ATCAY: variants seen among roughly 807,000 people sequenced by gnomAD.
ATCAY encodes caytaxin.
In ATCAY, 22 loss-of-function variants were observed where a neutral mutation model predicts 47.7. That is an observed-to-expected ratio of 0.46 (90% confidence interval 0.33 to 0.66). The LOEUF (loss-of-function observed/expected upper bound fraction) is 0.66. Among genes scored for constraint, ATCAY ranks in the 30% least tolerant of loss-of-function variants. The pLI is 0.02. For missense variants in ATCAY, 452 were observed against 515.0 expected, an observed-to-expected ratio of 0.88 and a Z score of 1.18; for synonymous variants, 216 against 207.6, an observed-to-expected ratio of 1.04 and a Z score of -0.35.
intron 2 of ATCAY, among the ~76,000 whole-genome samples, chr19:3,895,578 G>A (rs999296792): frequency 6.6e-6 from 1 of 152,026 alleles, no homozygotes; most frequent in African/African-American, 2.4e-5. Flanking sequence ...GACTCGTAGC[G>A]CTGGATGGAG....
rs1359111982 is a variant in ATCAY at position 3,907,519 on chromosome 19, C to T, written c.359-215C>T. Among the ~76,000 whole-genome samples the T allele has an allele frequency of 1.3e-5, 2 of 152,158 alleles. No homozygotes were observed. The highest frequency in any genetic ancestry group is 2.9e-5 in the Non-Finnish European group (2 of 68,036). ...CCTGGGAGGCCAGCAAAGGGAATGTCCAGAAAGGCTTCCTGGAGGAGGCGG... is the reference window on the plus strand; with the variant it reads ...CCTGGGAGGCCAGCAAAGGGAATGTTCAGAAAGGCTTCCTGGAGGAGGCGG... On this transcript the variant is annotated intron_variant, in intron 4 of 12. Coordinates refer to ENST00000450849, the MANE Select transcript of ATCAY (RefSeq NM_033064.5). This position sits in a 1 kb window ranked among gnomAD's most constrained non-coding sequence, Gnocchi z 5.1.
Position 3,926,861 on chromosome 19 carries a change from A to C in ATCAY, c.*2269A>C, listed in dbSNP as rs2039071376. 6.6e-6 allele frequency: 1 copy of C among 152,186 alleles called. No homozygotes were observed. Among genetic ancestry groups the C allele is most frequent in the African/African-American group, 2.4e-5 (1 of 41,440 alleles). 9.4% of individuals were successfully genotyped at this position (152,186 alleles called of 1,614,324 possible). On this transcript the variant is annotated 3_prime_UTR_variant, in exon 13 of 13. Coordinates refer to ENST00000450849, the MANE Select transcript of ATCAY (RefSeq NM_033064.5). ...GTTTCCCAAATGTCAAATCCCGGGC[A>C]CAGGGGCAAGACCCTGTCCCGAATT...
At chr19:3,917,646 A>C (rs1450829852) in intron 9 of ATCAY, 96 bp from the exon 10 acceptor site, 1 of 1,079,044 alleles carries the variant, frequency 9.3e-7, no homozygotes, top group African/African-American at 1.6e-5. Context: ...GAAAAAAGAG[A>C]GCTTGTTTCT....
At chr19:3,910,088 C>T (rs1471908553) in intron 7 of ATCAY, among the ~76,000 whole-genome samples, 3 of 152,090 alleles carry the variant, frequency 2.0e-5, no homozygotes, top group African/African-American at 7.2e-5. Context: ...GACTCTGTCC[C>T]CATGAAACAC....
chr19:3,889,873 C>T, intron 2 of ATCAY, among the ~76,000 whole-genome samples: 1 of 152,116 alleles, frequency 6.6e-6, no homozygotes, highest in East Asian at 1.9e-4. Context: ...AAATAATCAT[C>T]TCCAGCGTTA....
intron 9 of ATCAY, among the ~76,000 whole-genome samples, chr19:3,916,826 T>C (rs2038970443): frequency 6.6e-6 from 1 of 150,748 alleles, no homozygotes; most frequent in Admixed American, 6.6e-5. Context: ...TTTTTTTTTT[T>C]AGACAGAGTC....
At chr19:3,910,037 C>T (rs572993731) in intron 7 of ATCAY, among the ~76,000 whole-genome samples, 16 of 152,076 alleles carry the variant, frequency 1.1e-4, no homozygotes, top group African/African-American at 3.1e-4. Context: ...TGCAGTGAGC[C>T]GAGATCATGC....
At chr19:3,904,331 TA>T (rs2038841690) in intron 3 of ATCAY, among the ~76,000 whole-genome samples, 2 of 152,020 alleles carry the variant, frequency 1.3e-5, no homozygotes, top group Non-Finnish European at 2.9e-5. Context: ...CTCAAAAAAA[TA>T]AATACATAAA....
At chr19:3,921,997 A>G (rs2039025296) in intron 12 of ATCAY, among the ~76,000 whole-genome samples, 1 of 152,176 alleles carries the variant, frequency 6.6e-6, no homozygotes, top group African/African-American at 2.4e-5. Context: ...GTCCTCTCCC[A>G]GTGGGGTTGT....
intron 12 of ATCAY, 130 bp downstream of exon 12, chr19:3,920,928 T>G: frequency 1.0e-4 from 110 of 1,054,592 alleles, no homozygotes; most frequent in Non-Finnish European, 1.4e-4. Flanking sequence ...GCAGGGATCC[T>G]AATCCCAGGA....
chr19:3,905,271 C>T lies in ATCAY; in HGVS notation c.137-163C>T, dbSNP rs539133669. 5.3e-5 allele frequency among the ~76,000 whole-genome samples: 8 copies of T among 152,226 alleles called. No homozygotes were observed. The East Asian group carries it at 9.7e-4, about 18-fold the overall frequency. On this transcript the variant is annotated intron_variant, in intron 3 of 12. Coordinates refer to ENST00000450849, the MANE Select transcript of ATCAY (RefSeq NM_033064.5). Reference sequence around the variant, plus strand: ...ACATTCACCCCTGTCAGGATGATGTCGGTTTAATTCTGCCCACCCCCGCCA... The same window carrying T: ...ACATTCACCCCTGTCAGGATGATGTTGGTTTAATTCTGCCCACCCCCGCCA...
At chr19:3,920,931 TCCCA>T in intron 12 of ATCAY, 133 bp downstream of exon 12, 1 of 1,110,442 alleles carries the variant, frequency 9.0e-7, no homozygotes, top group Non-Finnish European at 1.3e-6. Flanking sequence ...GGGATCCTAA[TCCCA>T]GGAAAACTGC....
chr19:3,904,635 T>TAC (rs58093726), intron 3 of ATCAY, among the ~76,000 whole-genome samples: 12,982 of 149,180 alleles, frequency 0.087, 686 homozygotes, highest in Non-Finnish European at 0.12. Flanking sequence ...AAAATATGTA[T>TAC]ACACACACAC....
intron 12 of ATCAY, among the ~76,000 whole-genome samples, chr19:3,924,330 G>A (rs1290210154): frequency 6.6e-6 from 1 of 152,042 alleles, no homozygotes; most frequent in African/African-American, 2.4e-5. Context: ...GTGGGTTGAA[G>A]CCTCCCTCCA....
rs1349482890 is a variant in ATCAY at position 3,924,576 on chromosome 19, T to G, written c.1107-7T>G. On this transcript the variant is annotated splice_region_variant and splice_polypyrimidine_tract_variant and intron_variant, in intron 12 of 12. Coordinates refer to ENST00000450849, the MANE Select transcript of ATCAY (RefSeq NM_033064.5). ...CAATAACTTGGCCTGTGTCTTTCCC[T>G]CCCTAGCATGTCCTGAGGCGACGTG... 3 of 1,613,756 alleles carry G rather than the reference T, an allele frequency of 1.9e-6. No homozygotes were observed. In the Admixed American group the frequency reaches 5.0e-5, roughly 27 times the overall value.
intron 4 of ATCAY, 77 bp downstream of exon 4, chr19:3,905,732 G>A: frequency 7.5e-7 from 1 of 1,337,204 alleles, no homozygotes; most frequent in South Asian, 1.3e-5. Flanking sequence ...GATTCCCATA[G>A]GCTCAGAGAG....
At chr19:3,919,203 A>G (rs980763525) in intron 11 of ATCAY, among the ~76,000 whole-genome samples, 6 of 151,670 alleles carry the variant, frequency 4.0e-5, no homozygotes, top group Non-Finnish European at 5.9e-5. Context: ...GCTTGAACCC[A>G]GGGGGCAGAG....
In ATCAY at chr19:3,922,013, C is replaced by T. The variant is rs1001728564; in HGVS notation, c.1106+1215C>T. The stretch of plus-strand genomic sequence containing the variant: ...TCCTCTCCCAGTGGGGTTGTGTGGA[C>T]AGCCTTTATTTCTCCCAGCAGGGAT... On this transcript the variant is annotated intron_variant, in intron 12 of 12. Coordinates refer to ENST00000450849, the MANE Select transcript of ATCAY (RefSeq NM_033064.5). 6.4e-6 allele frequency: 4 copies of T among 623,260 alleles called. No individual in the cohort carries two copies. The African/African-American group carries it at 7.3e-5, about 11-fold the overall frequency. The allele number at this position is 623,260 out of a possible 1,614,324, so 38.6% of individuals were successfully genotyped here.
At chr19:3,892,744 C>G (rs2038728930) in intron 2 of ATCAY, among the ~76,000 whole-genome samples, 1 of 151,980 alleles carries the variant, frequency 6.6e-6, no homozygotes, top group African/African-American at 2.4e-5. Flanking sequence ...CCCGTCTCTA[C>G]TAAAAATACA....
Sources: gnomAD v4.1 joint callset for allele counts (sites outside exome capture counted in the v4.1 genomes callset) on GRCh38, gnomAD v4.1.1 for gene constraint, Gnocchi (gnomAD v3.1) non-coding constraint, MANE v1.5 for transcripts, NCBI Gene and HGNC (gene_info 2026-07-23, HGNC 2026-07-21) for gene names.